The following SLC4A7 variants were observed in gnomAD, a reference collection of about 807,000 sequenced individuals.
The protein encoded by SLC4A7 is solute carrier family 4 member 7.
Under a neutral mutation model 137.6 loss-of-function variants are expected in SLC4A7, and 51 were observed. The observed-to-expected ratio is 0.37, with a 90% confidence interval of 0.30 to 0.47. The LOEUF is 0.47. Among genes scored for constraint, SLC4A7 ranks in the 20% least tolerant of loss-of-function variants. The probability of loss-of-function intolerance (pLI) is 1.00; values close to 1 mark genes in which losing one functional copy is unlikely to be tolerated. For synonymous variants in SLC4A7, 542 were observed against 518.6 expected (o/e 1.05, Z -0.61); for missense variants, 1,247 against 1,525.4 (o/e 0.82, Z 3.04).
Position 27,421,651 on chromosome 3 carries a change from T to C in SLC4A7, c.1395A>G (p.Thr465=). Residue 465 remains threonine, a synonymous_variant, in exon 9 of 26, where the codon ACA becomes ACG. Transcript: ENST00000454389. ...TTGGAACAGGGACCTCAGTCAACCC[T>C]GTAAGGAGGACAGCAGGAGCCAGTC... ...FVRLAPAVLL[T]GLTEVPVPTR... is the part of the protein sequence containing the mutation. 6.2e-7 allele frequency: 1 copy of C among 1,613,966 alleles called. No individual in the cohort carries two copies. Among genetic ancestry groups the C allele is most frequent in the Non-Finnish European group, 8.5e-7 (1 of 1,179,878 alleles).
intron 11 of SLC4A7, among the ~76,000 whole-genome samples, chr3:27,412,492 A>T (rs2054000402): frequency 6.6e-6 from 1 of 152,162 alleles, no homozygotes; most frequent in South Asian, 2.1e-4. Context: ...CTCTAGGTGA[A>T]TAAAAGACTT....
intron 18 of SLC4A7, among the ~76,000 whole-genome samples, chr3:27,396,796 G>A (rs1273065610): frequency 2.6e-5 from 4 of 152,100 alleles, no homozygotes; most frequent in African/African-American, 9.7e-5. Context: ...ATAAGCAAAG[G>A]AGGATGGAAG....
chr3:27,483,080 A>AC (rs2059782323), intron 1 of SLC4A7, among the ~76,000 whole-genome samples: 1 of 152,242 alleles, frequency 6.6e-6, no homozygotes, highest in Admixed American at 6.5e-5. Flanking sequence ...TTTCCCTGCA[A>AC]CCTTCCCGCC....
chr3:27,459,201 A>T (rs936065579), intron 1 of SLC4A7, among the ~76,000 whole-genome samples: 1 of 152,140 alleles, frequency 6.6e-6, no homozygotes, highest in Non-Finnish European at 1.5e-5. Flanking sequence ...CAGAGGGAAA[A>T]GAAGAAGAAA....
chr3:27,443,680 C>T (rs1197920795), intron 3 of SLC4A7, among the ~76,000 whole-genome samples: 3 of 152,128 alleles, frequency 2.0e-5, no homozygotes, highest in Non-Finnish European at 4.4e-5. Flanking sequence ...GCTTTAGTTG[C>T]ATCTAACAAA....
At chr3:27,468,046 C>G (rs949714208) in intron 1 of SLC4A7, among the ~76,000 whole-genome samples, 6 of 152,130 alleles carry the variant, frequency 3.9e-5, no homozygotes, top group African/African-American at 1.2e-4. Flanking sequence ...GCCTCAGCCT[C>G]CCAAGTAGCT....
At chr3:27,473,790 G>T (rs760149484) in intron 1 of SLC4A7, among the ~76,000 whole-genome samples, 1 of 149,520 alleles carries the variant, frequency 6.7e-6, no homozygotes, top group Non-Finnish European at 1.5e-5. Flanking sequence ...CGAAATTTGT[G>T]AACATCTTTT....
At chr3:27,461,043 C>CT (rs1271972942) in intron 1 of SLC4A7, among the ~76,000 whole-genome samples, 1 of 152,058 alleles carries the variant, frequency 6.6e-6, no homozygotes, top group African/African-American at 2.4e-5. Flanking sequence ...GTGTAAAACA[C>CT]TAAAGATTTC....
chr3:27,403,617 T>A (rs1032955947), intron 14 of SLC4A7, among the ~76,000 whole-genome samples: 1 of 152,052 alleles, frequency 6.6e-6, no homozygotes, highest in African/African-American at 2.4e-5. Context: ...TAATTATTAA[T>A]AGTTTATTAC....
intron 1 of SLC4A7, among the ~76,000 whole-genome samples, chr3:27,478,395 G>C (rs1454309520): frequency 1.3e-5 from 2 of 150,466 alleles, no homozygotes; most frequent in African/African-American, 4.9e-5. Context: ...GCGTGCGCCT[G>C]TAATTCCATC....
intron 18 of SLC4A7, among the ~76,000 whole-genome samples, chr3:27,395,590 A>C (rs1340122421): frequency 5.3e-5 from 8 of 152,126 alleles, no homozygotes; most frequent in Non-Finnish European, 1.0e-4. Context: ...TCCCCAGGCA[A>C]CTATTCCAGC....
At chr3:27,453,655 A>T (rs1435146459) in intron 1 of SLC4A7, among the ~76,000 whole-genome samples, 2 of 152,344 alleles carry the variant, frequency 1.3e-5, no homozygotes, top group South Asian at 4.1e-4. Flanking sequence ...TGTTGCTGCT[A>T]TGGAAACCCT....
chr3:27,450,258 T>C (rs1296888795), intron 2 of SLC4A7, among the ~76,000 whole-genome samples: 1 of 152,164 alleles, frequency 6.6e-6, no homozygotes, highest in Non-Finnish European at 1.5e-5. Context: ...GATAAATGTC[T>C]ATGGAATTAA....
intron 20 of SLC4A7, among the ~76,000 whole-genome samples, chr3:27,392,825 C>T (rs1373601753): frequency 7.0e-6 from 1 of 143,530 alleles, no homozygotes; most frequent in Non-Finnish European, 1.5e-5. Context: ...GACTCTGTCT[C>T]AAAAGAAAAA....
intron 1 of SLC4A7, among the ~76,000 whole-genome samples, chr3:27,481,265 T>C (rs2150763009): frequency 6.6e-6 from 1 of 152,294 alleles, no homozygotes; most frequent in South Asian, 2.1e-4. Context: ...TTTTCAAGAT[T>C]AATGACTTTC....
chr3:27,436,357 A>G (rs755682511), intron 5 of SLC4A7, 31 bp downstream of exon 5: 3 of 1,556,038 alleles, frequency 1.9e-6, no homozygotes, highest in Non-Finnish European at 2.6e-6. Flanking sequence ...ACTACACCTT[A>G]CATATTTTTT....
chr3:27,453,862 T>C (rs916372924), intron 1 of SLC4A7, among the ~76,000 whole-genome samples: 2 of 152,224 alleles, frequency 1.3e-5, no homozygotes, highest in African/African-American at 4.8e-5. Flanking sequence ...GTAAATCAAA[T>C]ATATTTGGAT....
intron 3 of SLC4A7, among the ~76,000 whole-genome samples, chr3:27,437,787 A>G (rs1407250538): frequency 1.3e-5 from 2 of 152,236 alleles, no homozygotes; most frequent in Non-Finnish European, 2.9e-5. Flanking sequence ...AACTAACTTT[A>G]TAACTGATCT....
intron 1 of SLC4A7, among the ~76,000 whole-genome samples, chr3:27,464,676 G>C (rs1553717884): frequency 6.6e-6 from 1 of 152,158 alleles, no homozygotes; most frequent in Admixed American, 6.5e-5. Flanking sequence ...CTGGGCAACA[G>C]AGCGGGACTC....
Sources: allele counts gnomAD v4.1 joint callset (sites outside exome capture counted in the v4.1 genomes callset), GRCh38; gene constraint gnomAD v4.1.1; transcripts MANE v1.5; gene names NCBI Gene and HGNC (gene_info 2026-07-23, HGNC 2026-07-21).